PTPRD: variants seen among roughly 807,000 people sequenced by gnomAD.
PTPRD encodes the protein receptor-type tyrosine-protein phosphatase delta.
In PTPRD, 34 loss-of-function variants were observed where a neutral mutation model predicts 214.5. The ratio of observed to expected loss-of-function variants is 0.16; its 90% CI spans 0.12 to 0.21. The LOEUF (loss-of-function observed/expected upper bound fraction) is 0.21. PTPRD is among the 10% of genes least tolerant of loss of function. The probability of loss-of-function intolerance (pLI) is 1.00; values close to 1 mark genes in which losing one functional copy is unlikely to be tolerated. For missense variants in PTPRD, 2,545 were observed against 2,398.7 expected, an observed-to-expected ratio of 1.06 and a Z score of -1.27; for synonymous variants, 1,128 against 845.7, an observed-to-expected ratio of 1.33 and a Z score of -5.79.
chr9:9,181,950 T>C (rs777922569), intron 10 of PTPRD, among the ~76,000 whole-genome samples: 7 of 152,026 alleles, frequency 4.6e-5, no homozygotes, highest in Non-Finnish European at 8.8e-5. Flanking sequence ...GGAAACTGAT[T>C]CTATACAAAT....
intron 11 of PTPRD, among the ~76,000 whole-genome samples, chr9:8,920,009 T>C (rs913711899): frequency 3.5e-5 from 5 of 144,828 alleles, no homozygotes; most frequent in Admixed American, 6.8e-5. Flanking sequence ...ATATATATAA[T>C]GTTAACAAGA....
At chr9:10,281,765 A>G (rs1013568258) in intron 3 of PTPRD, among the ~76,000 whole-genome samples, 1 of 152,112 alleles carries the variant, frequency 6.6e-6, no homozygotes, top group African/African-American at 2.4e-5. Flanking sequence ...TTTTGAAAAA[A>G]CCTGTTTAAC....
chr9:9,375,741 G>T (rs374942991), intron 9 of PTPRD, among the ~76,000 whole-genome samples: 1 of 152,148 alleles, frequency 6.6e-6, no homozygotes, highest in African/African-American at 2.4e-5. Flanking sequence ...GAGGTATCTG[G>T]AATAGCTGAA....
At chr9:10,100,991 T>C (rs143350898) in intron 3 of PTPRD, among the ~76,000 whole-genome samples, 189 of 151,910 alleles carry the variant, frequency 1.2e-3, no homozygotes, top group African/African-American at 4.4e-3. Flanking sequence ...GATGGGCTTT[T>C]CAAGTTGGCA....
At chr9:10,538,124 C>A (rs577611520) in intron 2 of PTPRD, among the ~76,000 whole-genome samples, 1 of 152,108 alleles carries the variant, frequency 6.6e-6, no homozygotes. Flanking sequence ...GCTTGAATCA[C>A]AGTGCCTATC....
intron 9 of PTPRD, among the ~76,000 whole-genome samples, chr9:9,323,732 T>G (rs941339867): frequency 1.3e-5 from 2 of 152,190 alleles, no homozygotes; most frequent in Admixed American, 6.5e-5. Flanking sequence ...AGGGTACATG[T>G]GCACAATGTG....
intron 11 of PTPRD, among the ~76,000 whole-genome samples, chr9:9,001,330 T>C (rs2099417430): frequency 6.6e-6 from 1 of 151,982 alleles, no homozygotes; most frequent in African/African-American, 2.4e-5. Flanking sequence ...AAATATTACT[T>C]TTCGTCTTGT....
At chr9:9,218,669 T>A (rs983109083) in intron 9 of PTPRD, among the ~76,000 whole-genome samples, 1 of 152,100 alleles carries the variant, frequency 6.6e-6, no homozygotes, top group Admixed American at 6.6e-5. Context: ...ACATATATAA[T>A]GGGACAGGTA....
chr9:9,152,295 T>C lies in PTPRD; in HGVS notation c.-143+31009A>G, dbSNP rs548352995. Among the ~76,000 whole-genome samples the C allele has an allele frequency of 7.2e-5, 11 of 152,312 alleles. No individual in the cohort carries two copies. In the East Asian group the frequency reaches 2.1e-3, roughly 29 times the overall value. ...ATTACCCGTGACTTCAAATTTCTCATCCTGATGCTCTGCTTATTTTCAGAA... is the reference window on the plus strand; with the variant it reads ...ATTACCCGTGACTTCAAATTTCTCACCCTGATGCTCTGCTTATTTTCAGAA... On this transcript the variant is annotated intron_variant, in intron 10 of 45. Transcript: ENST00000381196.
chr9:9,828,660 A>G (rs993336041), intron 5 of PTPRD, among the ~76,000 whole-genome samples: 1 of 151,986 alleles, frequency 6.6e-6, no homozygotes, highest in Non-Finnish European at 1.5e-5. Flanking sequence ...ATAATAAAAG[A>G]TCTTTTGCTA....
rs999129219 is a variant in PTPRD, at chr9:8,439,048, A to G, written c.3989-2359T>C. On this transcript the variant is annotated intron_variant, in intron 34 of 45. Transcript: ENST00000381196. ...TATACATATATGTATCACATGCAAG[A>G]TATCACAGCATTAAAGAATCGCTAC... is the stretch of plus-strand genomic sequence containing the variant. Among the ~76,000 whole-genome samples the G allele has an allele frequency of 3.3e-5, 5 of 152,320 alleles. No individual in the cohort carries two copies. The South Asian group carries it at 6.2e-4, about 19-fold the overall frequency.
At chr9:9,757,588 T>TC (rs35100644) in intron 6 of PTPRD, among the ~76,000 whole-genome samples, 24,268 of 152,050 alleles carry the variant, frequency 0.16, 2,922 homozygotes, top group East Asian at 0.38. Flanking sequence ...TTGATCAAAA[T>TC]AACTTATAAC....
At chr9:9,032,531 C>T (rs1429933357) in intron 10 of PTPRD, among the ~76,000 whole-genome samples, 2 of 152,048 alleles carry the variant, frequency 1.3e-5, no homozygotes, top group Non-Finnish European at 2.9e-5. Flanking sequence ...CTCTCCCTCC[C>T]TTGCCCCCAA....
At chr9:10,465,892 A>G (rs1156923405) in intron 2 of PTPRD, among the ~76,000 whole-genome samples, 3 of 152,218 alleles carry the variant, frequency 2.0e-5, no homozygotes, top group Non-Finnish European at 4.4e-5. Context: ...ACTATAAACT[A>G]ACTGCTACAC....
At chr9:8,493,272 T>C (rs1292057457) in intron 26 of PTPRD, among the ~76,000 whole-genome samples, 1 of 152,190 alleles carries the variant, frequency 6.6e-6, no homozygotes, top group Non-Finnish European at 1.5e-5. Flanking sequence ...CTTACTAGCT[T>C]GGACAGACCA....
At chr9:10,049,953 C>A (rs1346363612) in intron 3 of PTPRD, among the ~76,000 whole-genome samples, 2 of 152,164 alleles carry the variant, frequency 1.3e-5, no homozygotes, top group Non-Finnish European at 2.9e-5. Flanking sequence ...TTATCACAAT[C>A]TAATCATAGC....
intron 12 of PTPRD, among the ~76,000 whole-genome samples, chr9:8,680,174 A>C (rs2097524416): frequency 6.6e-6 from 1 of 152,144 alleles, no homozygotes; most frequent in Non-Finnish European, 1.5e-5. Context: ...AAGAGAAATA[A>C]AGGAAAGAAT....
At chr9:9,904,702 G>T (rs1038904384) in intron 5 of PTPRD, among the ~76,000 whole-genome samples, 5 of 151,910 alleles carry the variant, frequency 3.3e-5, no homozygotes, top group African/African-American at 2.4e-5. Flanking sequence ...CAAAATATAA[G>T]GTTAAAAAGA....
At chr9:10,446,684 T>C (rs909849620) in intron 2 of PTPRD, among the ~76,000 whole-genome samples, 9 of 152,142 alleles carry the variant, frequency 5.9e-5, no homozygotes, top group African/African-American at 1.7e-4. Context: ...TGGGACTTGA[T>C]GTTTGATTTA....
Sources: gnomAD v4.1 joint callset for allele counts (sites outside exome capture counted in the v4.1 genomes callset) on GRCh38, gnomAD v4.1.1 for gene constraint, MANE v1.5 for transcripts, NCBI Gene and HGNC (gene_info 2026-07-23, HGNC 2026-07-21) for gene names.